FRMD4B: variants seen among roughly 807,000 people sequenced by gnomAD.
The protein encoded by FRMD4B is FERM domain-containing protein 4B.
A neutral mutation model predicts 141.5 loss-of-function variants in FRMD4B; 74 were observed. The observed-to-expected ratio is 0.52, with a 90% confidence interval of 0.43 to 0.63. FRMD4B has a LOEUF of 0.63. Among genes scored for constraint, FRMD4B ranks in the 30% least tolerant of loss-of-function variants. FRMD4B has a pLI of 0.00. For missense variants in FRMD4B, 1,366 were observed against 1,253.4 expected (o/e 1.09, Z -1.36); for synonymous variants, 506 against 467.9 (o/e 1.08, Z -1.05).
At chr3:69,529,135 A>G (rs891794440) in intron 1 of FRMD4B, among the ~76,000 whole-genome samples, 10 of 152,224 alleles carry the variant, frequency 6.6e-5, no homozygotes, top group African/African-American at 2.2e-4. Context: ...CGTCTGCTAT[A>G]GTAATCAACA....
At chr3:69,473,052 C>A (rs1313152727) in intron 1 of FRMD4B, among the ~76,000 whole-genome samples, 1 of 148,880 alleles carries the variant, frequency 6.7e-6, no homozygotes, top group African/African-American at 2.5e-5. Context: ...GGGGGTTATG[C>A]TCATTAATCC....
rs2093210452 is a variant in FRMD4B at position 69,222,862 on chromosome 3, T to C, written c.666-939A>G. ...TTTGCCATAATTGGATGGAATATAA[T>C]ACACATAAAATAATGATATCAAATG... is the stretch of plus-strand genomic sequence containing the variant. On this transcript the variant is annotated intron_variant, in intron 8 of 22. Transcript: ENST00000398540. Among the ~76,000 whole-genome samples the C allele has an allele frequency of 2.0e-5, 3 of 152,352 alleles. No homozygotes were observed. In the South Asian group the frequency reaches 6.2e-4, roughly 32 times the overall value.
chr3:69,401,320 A>T (rs1379384617), intron 2 of FRMD4B, among the ~76,000 whole-genome samples: 2 of 152,160 alleles, frequency 1.3e-5, no homozygotes, highest in African/African-American at 4.8e-5. Context: ...CAGAGGAGGG[A>T]TATCAGGGGC....
chr3:69,268,764 A>C (rs970240081), intron 5 of FRMD4B, among the ~76,000 whole-genome samples: 4 of 151,894 alleles, frequency 2.6e-5, no homozygotes, highest in Admixed American at 1.3e-4. Context: ...GCATGAATAA[A>C]TATGCAGAGA....
intron 1 of FRMD4B, among the ~76,000 whole-genome samples, chr3:69,499,480 T>A (rs1706457838): frequency 1.3e-5 from 2 of 152,142 alleles, no homozygotes; most frequent in African/African-American, 4.8e-5. Context: ...GATAGGAGTT[T>A]GCTGTTGGAC....
chr3:69,180,871 G>T, intron 21 of FRMD4B, 28 bp downstream of exon 21: 1 of 1,433,816 alleles, frequency 7.0e-7, no homozygotes, highest in Non-Finnish European at 9.6e-7. Flanking sequence ...TAAAATCCAG[G>T]TGTTGCGTGT....
chr3:69,332,279 T>G (rs1702395097), intron 1 of FRMD4B, among the ~76,000 whole-genome samples: 3 of 152,170 alleles, frequency 2.0e-5, no homozygotes, highest in Non-Finnish European at 2.9e-5. Context: ...CATCATCACC[T>G]CACCTGTCTG....
chr3:69,522,345 T>A (rs1255637438), intron 1 of FRMD4B, among the ~76,000 whole-genome samples: 1 of 151,648 alleles, frequency 6.6e-6, no homozygotes, highest in Non-Finnish European at 1.5e-5. Context: ...ATCTTCTCTA[T>A]CCAGAAGTCA....
chr3:69,456,550 C>A (rs1287510276), intron 1 of FRMD4B, among the ~76,000 whole-genome samples: 12 of 152,094 alleles, frequency 7.9e-5, no homozygotes, highest in African/African-American at 2.4e-5. Context: ...TCACAGCCCC[C>A]TCATTACTTT....
At chr3:69,399,643 A>G (rs1367402536) in intron 2 of FRMD4B, among the ~76,000 whole-genome samples, 1 of 152,060 alleles carries the variant, frequency 6.6e-6, no homozygotes, top group Non-Finnish European at 1.5e-5. Context: ...GGCTCTTTAT[A>G]TTTGTGGCTC....
chr3:69,394,685 A>G (rs1704445641), intron 2 of FRMD4B, among the ~76,000 whole-genome samples: 1 of 152,232 alleles, frequency 6.6e-6, no homozygotes, highest in Non-Finnish European at 1.5e-5. Context: ...CCAAAGGATT[A>G]TAAATCATTC....
intron 1 of FRMD4B, among the ~76,000 whole-genome samples, chr3:69,316,897 G>A (rs1406779642): frequency 1.3e-5 from 2 of 152,180 alleles, no homozygotes; most frequent in Non-Finnish European, 2.9e-5. Flanking sequence ...CAAGGCTGGT[G>A]GATGACCTGA....
chr3:69,187,872 G>C lies in FRMD4B; in HGVS notation c.1817C>G (p.Pro606Arg), dbSNP rs1413552440. The change falls in exon 19 of 23, where the codon CCT becomes CGT. Residue 606 changes from proline to arginine, a missense_variant. Pro to Arg is a moderately radical substitution (Grantham distance 103). Transcript: ENST00000398540. The stretch of plus-strand genomic sequence containing the variant: ...GGGGGGAAGAATTCTTGGAGAATGA[G>C]GTACTGAACTTGATCGCTGCCCAGG... ...TFPGQRSSSV[P>R]HSPRILPPKS... 1 of 1,608,220 alleles carries C rather than the reference G, an allele frequency of 6.2e-7. No homozygotes were observed. Among genetic ancestry groups the C allele is most frequent in the East Asian group, 2.2e-5 (1 of 44,774 alleles).
intron 1 of FRMD4B, among the ~76,000 whole-genome samples, chr3:69,460,599 T>G (rs1705694267): frequency 6.6e-6 from 1 of 152,188 alleles, no homozygotes; most frequent in Non-Finnish European, 1.5e-5. Context: ...AAATTTTTAA[T>G]ATAAAGTGCC....
chr3:69,480,593 C>T (rs1191317967), intron 1 of FRMD4B, among the ~76,000 whole-genome samples: 8 of 152,082 alleles, frequency 5.3e-5, no homozygotes, highest in Admixed American at 1.3e-4. Flanking sequence ...AATACCCGGC[C>T]GTGTGAGGTG....
At chr3:69,441,989 T>TCCC (rs1705350381) in intron 1 of FRMD4B, among the ~76,000 whole-genome samples, 17 of 151,876 alleles carry the variant, frequency 1.1e-4, no homozygotes, top group Admixed American at 1.1e-3. Flanking sequence ...AAGAGATAGC[T>TCCC]ATTAAGTTTA....
intron 10 of FRMD4B, among the ~76,000 whole-genome samples, chr3:69,217,390 G>A (rs1024028737): frequency 1.3e-5 from 2 of 152,128 alleles, no homozygotes. Context: ...GGAGCCTGAG[G>A]CAGGTGGATC....
At chr3:69,448,188 C>A (rs757506840) in intron 1 of FRMD4B, among the ~76,000 whole-genome samples, 1 of 152,056 alleles carries the variant, frequency 6.6e-6, no homozygotes, top group Admixed American at 6.5e-5. Context: ...TGCCACCACA[C>A]CTGGCTAATT....
chr3:69,218,053 A>T (rs2093158250), intron 10 of FRMD4B, among the ~76,000 whole-genome samples: 1 of 152,192 alleles, frequency 6.6e-6, no homozygotes, highest in African/African-American at 2.4e-5. Context: ...TCTCAAATGA[A>T]GATCTGGTAG....
Sources: gnomAD v4.1 joint callset for allele counts (sites outside exome capture counted in the v4.1 genomes callset) on GRCh38, gnomAD v4.1.1 for gene constraint, MANE v1.5 for transcripts, NCBI Gene and HGNC (gene_info 2026-07-23, HGNC 2026-07-21) for gene names.